The following AK5 variants were observed in gnomAD, a reference collection of about 807,000 sequenced individuals.
AK5 encodes adenylate kinase 5, also known as adenylate kinase isoenzyme 5.
A neutral mutation model predicts 69.5 loss-of-function variants in AK5; 27 were observed. The observed-to-expected ratio is 0.39, with a 90% CI of 0.29 to 0.54. The LOEUF is 0.54. Among genes scored for constraint, AK5 ranks in the 20% least tolerant of loss-of-function variants. The pLI, the probability that AK5 is intolerant of heterozygous loss-of-function variation, is 0.71. For synonymous variants in AK5, 260 were observed against 244.4 expected (o/e 1.06, Z -0.60); for missense variants, 531 against 700.4 (o/e 0.76, Z 2.73).
At chr1:77,510,818 A>T (rs944990368) in intron 10 of AK5, among the ~76,000 whole-genome samples, 1 of 151,988 alleles carries the variant, frequency 6.6e-6, no homozygotes, top group Non-Finnish European at 1.5e-5. Flanking sequence ...CCCAGATCCC[A>T]TACTCAGATA....
At chr1:77,507,959 C>G (rs1657119392) in intron 10 of AK5, among the ~76,000 whole-genome samples, 1 of 152,184 alleles carries the variant, frequency 6.6e-6, no homozygotes, top group East Asian at 1.9e-4. Context: ...CATCTTACTA[C>G]AAGCTGAGTA....
At chr1:77,403,237 T>G (rs1407846957) in intron 6 of AK5, among the ~76,000 whole-genome samples, 1 of 152,214 alleles carries the variant, frequency 6.6e-6, no homozygotes, top group East Asian at 1.9e-4. Flanking sequence ...GTTCTCCCAT[T>G]CTGTAGGTTG....
At chr1:77,321,445 G>C (rs868098889) in intron 5 of AK5, among the ~76,000 whole-genome samples, 1 of 151,966 alleles carries the variant, frequency 6.6e-6, no homozygotes, top group Non-Finnish European at 1.5e-5. Context: ...CTGCAGCATG[G>C]GCAATAGATA....
chr1:77,343,197 C>T (rs930848087), intron 6 of AK5, among the ~76,000 whole-genome samples: 1 of 152,032 alleles, frequency 6.6e-6, no homozygotes, highest in Admixed American at 6.6e-5. Context: ...ATTGGGATTC[C>T]CTGTGGTGAA....
intron 13 of AK5, among the ~76,000 whole-genome samples, chr1:77,546,452 G>T (rs1659549159): frequency 6.6e-6 from 1 of 152,194 alleles, no homozygotes; most frequent in Non-Finnish European, 1.5e-5. Flanking sequence ...ACATGTGCTT[G>T]TAATCCCAGC....
intron 6 of AK5, among the ~76,000 whole-genome samples, chr1:77,367,483 G>T (rs1210234170): frequency 1.5e-5 from 2 of 133,598 alleles, no homozygotes; most frequent in Non-Finnish European, 3.1e-5. Context: ...CACCTGGCTA[G>T]TTTTTTTTTG....
intron 13 of AK5, among the ~76,000 whole-genome samples, chr1:77,554,806 C>T (rs372315346): frequency 4.8e-4 from 67 of 138,824 alleles, no homozygotes; most frequent in African/African-American, 1.5e-3. Context: ...TTAGTAGAGA[C>T]GGGGTTTCGC....
chr1:77,470,436 C>T (rs564151426), intron 8 of AK5, among the ~76,000 whole-genome samples: 3 of 152,166 alleles, frequency 2.0e-5, no homozygotes, highest in Non-Finnish European at 2.9e-5. Flanking sequence ...GCCTGGGAGG[C>T]GGAGGTTGCA....
At chr1:77,425,809 G>A (rs1651170158) in intron 8 of AK5, among the ~76,000 whole-genome samples, 1 of 152,074 alleles carries the variant, frequency 6.6e-6, no homozygotes, top group African/African-American at 2.4e-5. Flanking sequence ...AAATAAATGA[G>A]AGCAATGATA....
At chr1:77,391,488 T>TGG (rs1376269092) in intron 6 of AK5, among the ~76,000 whole-genome samples, 1 of 24,410 alleles carries the variant, frequency 4.1e-5, no homozygotes, top group Non-Finnish European at 6.3e-5. Context: ...TGTGTATGTG[T>TGG]GTGTGTGTAT....
chr1:77,486,455 G>C, intron 10 of AK5, 103 bp downstream of exon 10: 1 of 758,890 alleles, frequency 1.3e-6, no homozygotes, highest in African/African-American at 1.8e-5. Context: ...CAGCACTGTG[G>C]GAGGCCAAGG....
chr1:77,470,409 G>A (rs987291900), intron 8 of AK5, among the ~76,000 whole-genome samples: 4 of 152,184 alleles, frequency 2.6e-5, no homozygotes, highest in Non-Finnish European at 5.9e-5. Flanking sequence ...GATGGCTGAG[G>A]TGGGAAGATC....
chr1:77,410,992 C>T lies in AK5; in HGVS notation c.903C>T (p.Asp301=). 1 of 1,613,650 alleles carries T rather than the reference C, an allele frequency of 6.2e-7. No homozygotes were observed. The highest frequency in any genetic ancestry group is 8.5e-7 in the Non-Finnish European group (1 of 1,179,850). Residue 301 remains aspartate, a synonymous_variant, in exon 7 of 14, where the codon GAC becomes GAT. Coordinates refer to ENST00000354567, the MANE Select transcript of AK5 (RefSeq NM_174858.3). ...CTGATTTCCCCCAGTTTGATGCCGA[C>T]CGCGATGAGGATGAGGTGTTCTATG... is the stretch of plus-strand genomic sequence containing the variant. The part of the protein sequence containing the change: ...EKGLIMTFDA[D]RDEDEVFYDI...
At chr1:77,333,408 A>G (rs942726800) in intron 5 of AK5, among the ~76,000 whole-genome samples, 1 of 152,186 alleles carries the variant, frequency 6.6e-6, no homozygotes, top group African/African-American at 2.4e-5. Context: ...TATTCTGTTC[A>G]AATCTAATGT....
At chr1:77,543,142 A>G (rs2100377288) in intron 13 of AK5, among the ~76,000 whole-genome samples, 1 of 152,352 alleles carries the variant, frequency 6.6e-6, no homozygotes, top group South Asian at 2.1e-4. Context: ...AGCCCTATGA[A>G]TTGAGGCAAG....
At chr1:77,349,670 T>C (rs1662095764) in intron 6 of AK5, 1 of 152,210 alleles carries the variant, frequency 6.6e-6, no homozygotes, top group Non-Finnish European at 1.5e-5. Context: ...TGCTAGGTAA[T>C]AGATGTAAAA....
At chr1:77,540,636 G>A (rs1468934659) in intron 13 of AK5, 1 of 152,222 alleles carries the variant, frequency 6.6e-6, no homozygotes, top group Non-Finnish European at 1.5e-5. Context: ...GGGATGGCGG[G>A]GGGAATATGG....
At chr1:77,368,241 A>ATATATATATATTT (rs1553140306) in intron 6 of AK5, among the ~76,000 whole-genome samples, 2 of 23,280 alleles carry the variant, frequency 8.6e-5, no homozygotes, top group Non-Finnish European at 1.1e-4. Flanking sequence ...ATATATATAT[A>ATATATATATATTT]TATATATATA....
rs1336268954 is a variant in AK5 at position 77,286,930 on chromosome 1, T to G, written c.61-11T>G. The G allele has an allele frequency of 7.2e-7, 1 of 1,383,636 alleles. No individual in the cohort carries two copies. The highest frequency in any genetic ancestry group is 1.5e-5 in the African/African-American group (1 of 67,194). The allele number at this position is 1,383,636 out of a possible 1,614,324, so 85.7% of individuals were successfully genotyped here. ...AGATATTTTATTTGTACATATTTTG[T>G]TATATTTCAGAGCCTTTTGAATGGA... On this transcript the variant is annotated splice_polypyrimidine_tract_variant and intron_variant, in intron 1 of 13. Transcript: ENST00000354567.
Sources: allele counts gnomAD v4.1 joint callset (sites outside exome capture counted in the v4.1 genomes callset), GRCh38; gene constraint gnomAD v4.1.1; transcripts MANE v1.5; gene names NCBI Gene and HGNC (gene_info 2026-07-23, HGNC 2026-07-21).